The following ITGA9 variants were observed in gnomAD, a reference collection of about 807,000 sequenced individuals.
ITGA9 encodes the protein integrin alpha-9.
In ITGA9, 56 loss-of-function variants were observed where a neutral mutation model predicts 127.8. The ratio of observed to expected loss-of-function variants is 0.44; its 90% CI spans 0.35 to 0.55. The LOEUF (loss-of-function observed/expected upper bound fraction) is 0.55. Among genes scored for constraint, ITGA9 ranks in the 20% least tolerant of loss-of-function variants. The pLI is 0.00. For synonymous variants in ITGA9, 508 were observed against 514.5 expected (o/e 0.99, Z 0.17); for missense variants, 1,196 against 1,347.1 (o/e 0.89, Z 1.76).
intron 16 of ITGA9, among the ~76,000 whole-genome samples, chr3:37,649,289 AGATT>A (rs916638082): frequency 6.6e-6 from 1 of 152,190 alleles, no homozygotes; most frequent in Non-Finnish European, 1.5e-5. Context: ...ATGACTGAAT[AGATT>A]ATTAAAAAAA....
intron 25 of ITGA9, among the ~76,000 whole-genome samples, chr3:37,783,908 G>T (rs928317601): frequency 2.0e-5 from 3 of 152,162 alleles, no homozygotes; most frequent in African/African-American, 7.2e-5. Flanking sequence ...CCCCAGGAAG[G>T]TCTTTGTGGT....
chr3:37,482,968 A>G (rs1442635707), intron 4 of ITGA9, among the ~76,000 whole-genome samples: 1 of 152,186 alleles, frequency 6.6e-6, no homozygotes, highest in African/African-American at 2.4e-5. Context: ...TGGTTTCAGA[A>G]ACGCAAAGCA....
intron 13 of ITGA9, among the ~76,000 whole-genome samples, chr3:37,529,925 T>C (rs935873333): frequency 2.0e-5 from 3 of 151,760 alleles, no homozygotes; most frequent in Non-Finnish European, 4.4e-5. Context: ...GTACATGGGC[T>C]GGGGGCGAGG....
At chr3:37,504,146 T>C (rs1406451643) in intron 6 of ITGA9, among the ~76,000 whole-genome samples, 2 of 152,134 alleles carry the variant, frequency 1.3e-5, no homozygotes, top group African/African-American at 4.8e-5. Flanking sequence ...TAACTACAAG[T>C]TTTTTGCCTG....
chr3:37,617,832 C>G (rs1403402015), intron 15 of ITGA9, among the ~76,000 whole-genome samples: 1 of 151,816 alleles, frequency 6.6e-6, no homozygotes, highest in East Asian at 1.9e-4. Flanking sequence ...TTAAGGACTT[C>G]TCTGCATTGG....
intron 13 of ITGA9, among the ~76,000 whole-genome samples, chr3:37,527,272 A>G (rs1365520326): frequency 1.3e-5 from 2 of 152,226 alleles, no homozygotes; most frequent in Non-Finnish European, 2.9e-5. Context: ...CTGCATTCCT[A>G]TGGCTTTTGC....
At position 37,819,173 on chromosome 3, in the gene ITGA9, G is replaced by A. The variant is rs1174152138; in HGVS notation, c.*184G>A. ...GCCACTTCGGCCAGGTCACACGACCGGGGCCAGCACCACTTCCTTTAAAGA... is the reference window on the plus strand; with the variant it reads ...GCCACTTCGGCCAGGTCACACGACCAGGGCCAGCACCACTTCCTTTAAAGA... On this transcript the variant is annotated 3_prime_UTR_variant, in exon 28 of 28. Coordinates refer to ENST00000264741, the MANE Select transcript of ITGA9 (RefSeq NM_002207.3). 21 of 633,712 alleles carry A rather than the reference G, an allele frequency of 3.3e-5. No homozygotes were observed. Among genetic ancestry groups the A allele is most frequent in the East Asian group, 2.5e-4 (9 of 36,206 alleles). 39.3% of individuals were successfully genotyped at this position (633,712 alleles called of 1,614,324 possible).
At chr3:37,567,098 G>A (rs1173242519) in intron 15 of ITGA9, among the ~76,000 whole-genome samples, 12 of 152,214 alleles carry the variant, frequency 7.9e-5, no homozygotes, top group African/African-American at 2.4e-5. Context: ...AGACATACCC[G>A]AGATTGGGTA....
Position 37,512,117 on chromosome 3 carries a change from CTTCTTTCTTTTCTT to C in ITGA9, c.898-1639_898-1626del, listed in dbSNP as rs1331395459. Among the ~76,000 whole-genome samples, 44 of 57,698 alleles carry C rather than the reference CTTCTTTCTTTTCTT, an allele frequency of 7.6e-4. 5 individuals are homozygous for C. Among genetic ancestry groups the C allele is most frequent in the African/African-American group, 3.3e-3 (42 of 12,652 alleles). 37.9% of individuals were successfully genotyped at this position (57,698 alleles called of 152,430 possible). A position where few individuals can be genotyped will look rare whatever the true frequency, so the allele number is the denominator to read the frequency against. ...CCTTCCTTCCTTCCTTCCTTCCTTC[CTTCTTTCTTTTCTT>C]TTCTTTTCTTTTCTTTTCTTTTCTT... On this transcript the variant is annotated intron_variant, in intron 8 of 27. Coordinates refer to ENST00000264741, the MANE Select transcript of ITGA9 (RefSeq NM_002207.3).
chr3:37,754,441 A>G (rs568788017), intron 23 of ITGA9, among the ~76,000 whole-genome samples: 1 of 152,324 alleles, frequency 6.6e-6, no homozygotes, highest in South Asian at 2.1e-4. Flanking sequence ...AAAGTACTGG[A>G]TTTTTGAAAG....
At chr3:37,632,699 G>C (rs188218203) in intron 16 of ITGA9, among the ~76,000 whole-genome samples, 1 of 152,086 alleles carries the variant, frequency 6.6e-6, no homozygotes, top group Non-Finnish European at 1.5e-5. Flanking sequence ...TAAATGTTTC[G>C]AGGGCAAAGA....
intron 15 of ITGA9, among the ~76,000 whole-genome samples, chr3:37,579,448 A>G (rs934275289): frequency 6.6e-6 from 1 of 152,150 alleles, no homozygotes; most frequent in African/African-American, 2.4e-5. Context: ...GAAGATTACA[A>G]AAGAAAATTA....
chr3:37,708,955 T>C (rs1261761003), intron 18 of ITGA9, among the ~76,000 whole-genome samples: 1 of 151,960 alleles, frequency 6.6e-6, no homozygotes, highest in Admixed American at 6.5e-5. Flanking sequence ...CCAGACTTTC[T>C]GGCTTAAATC....
intron 16 of ITGA9, among the ~76,000 whole-genome samples, chr3:37,648,576 A>C (rs1700401198): frequency 6.6e-6 from 1 of 152,146 alleles, no homozygotes; most frequent in Non-Finnish European, 1.5e-5. Flanking sequence ...GCAGTGAGCC[A>C]AGATGATGCC....
intron 18 of ITGA9, among the ~76,000 whole-genome samples, chr3:37,705,933 C>G (rs1701000274): frequency 6.6e-6 from 1 of 152,222 alleles, no homozygotes. Context: ...AAGGAATGTT[C>G]TAGTGGGGCC....
chr3:37,785,155 T>C, intron 26 of ITGA9, 77 bp downstream of exon 26: 1 of 1,021,886 alleles, frequency 9.8e-7, no homozygotes, highest in Non-Finnish European at 1.6e-6. Context: ...GAGCTGGAAT[T>C]TGAGGGTCAA....
chr3:37,586,173 A>C (rs1234720136), intron 15 of ITGA9, among the ~76,000 whole-genome samples: 1 of 152,232 alleles, frequency 6.6e-6, no homozygotes. Context: ...AATGAAAAGA[A>C]AGGTACCAGC....
chr3:37,620,732 G>A (rs867221083), intron 15 of ITGA9, among the ~76,000 whole-genome samples: 2 of 152,092 alleles, frequency 1.3e-5, no homozygotes, highest in African/African-American at 2.4e-5. Flanking sequence ...CTGAGAAGGT[G>A]CCCCATCAGC....
chr3:37,471,113 A>C lies in ITGA9; in HGVS notation c.292A>C (p.Thr98Pro). Residue 98 changes from threonine (T) to proline (P), a missense_variant, in exon 2 of 28, where the codon ACC becomes CCC. Physicochemically the swap from Thr to Pro is conservative, Grantham distance 38 (BLOSUM62 -1). Transcript: ENST00000264741. ...RVHTNPDRRCTELDMARGKNR... is the reference protein window; with the variant it reads ...RVHTNPDRRCPELDMARGKNR... ...TCACACCAACCCTGACCGGAGATGC[A>C]CCGAACTGGACATGGCTCGAGGTGG... 6.2e-7 allele frequency: 1 copy of C among 1,613,978 alleles called. No individual in the cohort carries two copies. The highest frequency in any genetic ancestry group is 8.5e-7 in the Non-Finnish European group (1 of 1,179,978).
Sources: gnomAD v4.1 joint callset for allele counts (sites outside exome capture counted in the v4.1 genomes callset) on GRCh38, gnomAD v4.1.1 for gene constraint, MANE v1.5 for transcripts, NCBI Gene and HGNC (gene_info 2026-07-23, HGNC 2026-07-21) for gene names.